The following BABAM2 variants were observed in gnomAD, a reference collection of about 807,000 sequenced individuals.
BABAM2 encodes the protein BRISC and BRCA1 A complex member 2.
Under a neutral mutation model 54.7 loss-of-function variants are expected in BABAM2, and 31 were observed. The ratio of observed to expected loss-of-function variants is 0.57; its 90% confidence interval spans 0.43 to 0.77. BABAM2 has a LOEUF of 0.77. Ranked by LOEUF, BABAM2 falls within the 30% of genes least tolerant of loss-of-function variation. BABAM2 has a pLI of 0.00. For missense variants in BABAM2, 364 were observed against 455.8 expected (o/e 0.80, Z 1.83); for synonymous variants, 167 against 162.9 (o/e 1.03, Z -0.19).
chr2:28,311,260 CAAAA>C (rs11309935), intron 11 of BABAM2, among the ~76,000 whole-genome samples: 10 of 110,434 alleles, frequency 9.1e-5, no homozygotes, highest in South Asian at 5.8e-4. Context: ...GACCCTGTCT[CAAAA>C]AAAAAAAAAA....
At chr2:27,899,466 T>C (rs1665602691) in intron 2 of BABAM2, among the ~76,000 whole-genome samples, 1 of 137,474 alleles carries the variant, frequency 7.3e-6, no homozygotes, top group Non-Finnish European at 1.6e-5. Context: ...ATGAATCCAC[T>C]AGTCCTAGTG....
At chr2:28,185,411 A>G (rs1676172652) in intron 7 of BABAM2, among the ~76,000 whole-genome samples, 1 of 152,190 alleles carries the variant, frequency 6.6e-6, no homozygotes, top group African/African-American at 2.4e-5. Context: ...TAACATCTCA[A>G]GTAATTTTAA....
chr2:28,002,989 A>G (rs1673684347), intron 4 of BABAM2, among the ~76,000 whole-genome samples: 1 of 152,170 alleles, frequency 6.6e-6, no homozygotes, highest in Non-Finnish European at 1.5e-5. Flanking sequence ...CAGTAGCTAA[A>G]GAGGGTATAA....
chr2:27,971,838 C>T (rs1265858961), intron 3 of BABAM2, among the ~76,000 whole-genome samples: 2 of 151,910 alleles, frequency 1.3e-5, no homozygotes, highest in African/African-American at 4.8e-5. Context: ...TATAGTGTCA[C>T]TTGCATTGTA....
chr2:28,003,544 T>G (rs941788760), intron 4 of BABAM2, among the ~76,000 whole-genome samples: 3 of 152,080 alleles, frequency 2.0e-5, no homozygotes, highest in African/African-American at 7.2e-5. Context: ...GAGCTGAGAT[T>G]GTACCACAGC....
At chr2:28,129,776 C>T (rs1239172890) in intron 7 of BABAM2, among the ~76,000 whole-genome samples, 1 of 152,172 alleles carries the variant, frequency 6.6e-6, no homozygotes, top group African/African-American at 2.4e-5. Flanking sequence ...TAACTAGCCT[C>T]TTCAAAATAT....
intron 6 of BABAM2, among the ~76,000 whole-genome samples, chr2:28,091,217 A>G (rs754637545): frequency 7.2e-5 from 11 of 152,240 alleles, no homozygotes; most frequent in Non-Finnish European, 1.6e-4. Context: ...TATGCCAATC[A>G]GTACTGTCCT....
At chr2:28,216,339 A>G (rs1335918865) in intron 7 of BABAM2, among the ~76,000 whole-genome samples, 1 of 152,218 alleles carries the variant, frequency 6.6e-6, no homozygotes, top group East Asian at 1.9e-4. Flanking sequence ...ACTCCTAACA[A>G]ATAAGCCAAC....
At chr2:27,983,956 T>TTTTTTTTTTTTTTTTTTTTTTTTTTA (rs1672211139) in intron 3 of BABAM2, among the ~76,000 whole-genome samples, 1 of 142,788 alleles carries the variant, frequency 7.0e-6, no homozygotes, top group African/African-American at 2.6e-5. Flanking sequence ...TTTTTTTTTT[T>TTTTTTTTTTTTTTTTTTTTTTTTTTA]TTTTTGCCAA....
chr2:28,109,228 G>A (rs148815911), intron 6 of BABAM2, among the ~76,000 whole-genome samples: 292 of 125,764 alleles, frequency 2.3e-3, no homozygotes, highest in African/African-American at 8.2e-3. Context: ...TCACTCTGTC[G>A]CCCAGGCTGG....
chr2:28,082,004 G>A (rs142431267), intron 6 of BABAM2, among the ~76,000 whole-genome samples: 103 of 152,248 alleles, frequency 6.8e-4, no homozygotes, highest in African/African-American at 2.4e-3. Context: ...ATGAAGTGGA[G>A]ACAACTTAGA....
chr2:28,286,353 G>A (rs780474160), intron 10 of BABAM2, among the ~76,000 whole-genome samples: 23 of 152,174 alleles, frequency 1.5e-4, no homozygotes, highest in Non-Finnish European at 2.6e-4. Context: ...ACTGGAATGA[G>A]TGGTGTGAGC....
chr2:28,181,770 T>A, intron 7 of BABAM2, among the ~76,000 whole-genome samples: 2 of 149,404 alleles, frequency 1.3e-5, no homozygotes, highest in Admixed American at 6.7e-5. Context: ...AAAAGAAAAA[T>A]ATGCACCAAT....
chr2:28,118,651 T>TTACATTACATGTTTTTGTCAGG (rs1668808762), intron 6 of BABAM2, among the ~76,000 whole-genome samples: 1 of 152,108 alleles, frequency 6.6e-6, no homozygotes, highest in African/African-American at 2.4e-5. Context: ...ATTTCAAAAA[T>TTACATTACATGTTTTTGTCAGG]TTTCTCCCAT....
At chr2:27,916,579 A>G (rs140913804) in intron 2 of BABAM2, among the ~76,000 whole-genome samples, 1 of 152,346 alleles carries the variant, frequency 6.6e-6, no homozygotes, top group East Asian at 1.9e-4. Flanking sequence ...GTGTGCCAGC[A>G]GGTATGCTGC....
At chr2:28,036,718 AT>A (rs1573446749) in intron 5 of BABAM2, among the ~76,000 whole-genome samples, 2 of 152,358 alleles carry the variant, frequency 1.3e-5, no homozygotes, top group East Asian at 3.9e-4. Flanking sequence ...CTTAGGTTTC[AT>A]GAGATCCCTC....
intron 2 of BABAM2, among the ~76,000 whole-genome samples, chr2:27,929,256 T>A (rs930563094): frequency 6.6e-6 from 1 of 152,032 alleles, no homozygotes; most frequent in African/African-American, 2.4e-5. Context: ...TGTTGAGACC[T>A]GGATAACTAC....
At chr2:27,987,814 CAAAAA>C (rs201176376) in intron 3 of BABAM2, among the ~76,000 whole-genome samples, 174 bp from the exon 4 acceptor site, 2 of 62,154 alleles carry the variant, frequency 3.2e-5, no homozygotes. Context: ...GACCCTGTCT[CAAAAA>C]AAAAAAAAAA....
intron 5 of BABAM2, among the ~76,000 whole-genome samples, chr2:28,031,550 GT>G (rs1158761180): frequency 2.6e-5 from 4 of 152,076 alleles, no homozygotes; most frequent in African/African-American, 9.7e-5. Context: ...ACTATGCTAG[GT>G]TTTGGGTTAA....
Sources: gnomAD v4.1 joint callset for allele counts (sites outside exome capture counted in the v4.1 genomes callset) on GRCh38, gnomAD v4.1.1 for gene constraint, MANE v1.5 for transcripts, NCBI Gene and HGNC (gene_info 2026-07-23, HGNC 2026-07-21) for gene names.